SMYD3: variants seen among roughly 807,000 people sequenced by gnomAD.
The protein encoded by SMYD3 is SET and MYND domain containing 3.
A neutral mutation model predicts 57.7 loss-of-function variants in SMYD3; 36 were observed. That is an observed-to-expected ratio of 0.62 (90% confidence interval 0.48 to 0.82). The LOEUF is 0.82. Among genes scored for constraint, SMYD3 ranks in the 40% least tolerant of loss-of-function variants. SMYD3 has a pLI of 0.00. For missense variants in SMYD3, 515 were observed against 538.8 expected, an observed-to-expected ratio of 0.96 and a Z score of 0.44; for synonymous variants, 211 against 195.0, an observed-to-expected ratio of 1.08 and a Z score of -0.68.
At chr1:246,320,340 A>G (rs1272600550) in intron 5 of SMYD3, among the ~76,000 whole-genome samples, 1 of 152,190 alleles carries the variant, frequency 6.6e-6, no homozygotes, top group African/African-American at 2.4e-5. Context: ...GAGGTCACAT[A>G]CGTGCCCTAA....
At chr1:246,496,072 C>CAGTT (rs1213742672) in intron 1 of SMYD3, among the ~76,000 whole-genome samples, 6 of 151,896 alleles carry the variant, frequency 4.0e-5, no homozygotes, top group African/African-American at 1.5e-4. Context: ...GAGTCTCACT[C>CAGTT]TGTCGCCAGG....
At chr1:245,901,179 T>C (rs2054158033) in intron 8 of SMYD3, among the ~76,000 whole-genome samples, 2 of 152,176 alleles carry the variant, frequency 1.3e-5, no homozygotes, top group South Asian at 4.1e-4. Flanking sequence ...GGTTTAGTCA[T>C]GACATCTGGG....
chr1:246,179,296 G>A (rs555636077), intron 5 of SMYD3: 7 of 152,648 alleles, frequency 4.6e-5, no homozygotes, highest in South Asian at 2.1e-4. Context: ...CCAAGAAAGC[G>A]TCTTTCCCTC....
chr1:246,134,269 C>T (rs183526719), intron 5 of SMYD3, among the ~76,000 whole-genome samples: 1 of 152,152 alleles, frequency 6.6e-6, no homozygotes, highest in East Asian at 1.9e-4. Flanking sequence ...ATAAATAGTA[C>T]TCCCAAAGTC....
At chr1:246,506,597 T>G (rs1039413057) in intron 1 of SMYD3, among the ~76,000 whole-genome samples, 1 of 152,176 alleles carries the variant, frequency 6.6e-6, no homozygotes, top group Non-Finnish European at 1.5e-5. Flanking sequence ...GCAAGCCTGA[T>G]GCTTTACCGG....
At chr1:246,068,180 A>G (rs556419427) in intron 5 of SMYD3, among the ~76,000 whole-genome samples, 4 of 152,204 alleles carry the variant, frequency 2.6e-5, no homozygotes, top group Admixed American at 6.5e-5. Context: ...GATCAGAAAG[A>G]AGTGTTTAGT....
intron 11 of SMYD3, among the ~76,000 whole-genome samples, chr1:245,759,618 C>T (rs561251046): frequency 7.3e-4 from 111 of 152,150 alleles, no homozygotes; most frequent in Middle Eastern, 6.8e-3. Context: ...TCAGGGCAGC[C>T]GATGCAGGAA....
intron 8 of SMYD3, among the ~76,000 whole-genome samples, chr1:245,896,236 G>C (rs2053771642): frequency 6.6e-6 from 1 of 152,040 alleles, no homozygotes; most frequent in African/African-American, 2.4e-5. Context: ...TGCCTCCAAA[G>C]ACTTAGATTT....
At chr1:245,835,977 C>G (rs1321975758) in intron 10 of SMYD3, among the ~76,000 whole-genome samples, 1 of 152,140 alleles carries the variant, frequency 6.6e-6, no homozygotes, top group Non-Finnish European at 1.5e-5. Context: ...TCTCTGCTCT[C>G]AGAGAGGGTC....
intron 1 of SMYD3, among the ~76,000 whole-genome samples, chr1:246,446,120 G>A (rs2067547724): frequency 6.6e-6 from 1 of 152,042 alleles, no homozygotes; most frequent in South Asian, 2.1e-4. Flanking sequence ...CATATCAATT[G>A]CCTCTAAAAT....
chr1:246,110,559 C>A (rs917225586), intron 5 of SMYD3, among the ~76,000 whole-genome samples: 2 of 152,242 alleles, frequency 1.3e-5, no homozygotes, highest in Admixed American at 1.3e-4. Context: ...CTCTTTCCCT[C>A]TGAGCGCAAG....
chr1:246,420,317 G>A (rs2067124460), intron 1 of SMYD3, among the ~76,000 whole-genome samples: 1 of 152,144 alleles, frequency 6.6e-6, no homozygotes, highest in Non-Finnish European at 1.5e-5. Context: ...AAAGAAAACT[G>A]ACTCCATCAT....
intron 5 of SMYD3, among the ~76,000 whole-genome samples, chr1:246,048,697 C>T (rs752784719): frequency 4.6e-5 from 7 of 151,866 alleles, no homozygotes; most frequent in African/African-American, 7.3e-5. Flanking sequence ...TCTCTGGACC[C>T]GTTTCCTCAT....
intron 1 of SMYD3, among the ~76,000 whole-genome samples, chr1:246,369,626 A>C (rs2066162380): frequency 6.6e-6 from 1 of 152,140 alleles, no homozygotes; most frequent in Admixed American, 6.5e-5. Context: ...TCCCAGGCTC[A>C]GGTGATTCTC....
chr1:245,822,532 A>C (rs1429245887), intron 10 of SMYD3, among the ~76,000 whole-genome samples: 2 of 149,896 alleles, frequency 1.3e-5, no homozygotes, highest in African/African-American at 2.5e-5. Context: ...ATGTACCCTA[A>C]AACTTAAAGT....
At chr1:246,107,156 A>G (rs4654198) in intron 5 of SMYD3, among the ~76,000 whole-genome samples, 119,638 of 142,186 alleles carry the variant, frequency 0.84, 50,680 homozygotes, top group Admixed American at 0.89. Flanking sequence ...GCGTGGTGGC[A>G]GGCGCCTGTA....
chr1:246,434,018 G>C (rs933737826), intron 1 of SMYD3, among the ~76,000 whole-genome samples: 1 of 152,164 alleles, frequency 6.6e-6, no homozygotes, highest in Non-Finnish European at 1.5e-5. Context: ...ATAAGCAATG[G>C]GGAAAGGACC....
rs111536861 is a variant in SMYD3, at chr1:246,148,114, A to C, written c.531+179087T>G. 1.6e-3 allele frequency among the ~76,000 whole-genome samples: 239 copies of C among 152,190 alleles called. 1 individual carries two copies. Among genetic ancestry groups the C allele is most frequent in the African/African-American group, 5.3e-3 (221 of 41,542 alleles). On this transcript the variant is annotated intron_variant, in intron 5 of 11. Transcript: ENST00000490107. ...GAGGGCCTGAAGGCTGGGGGCCAGG[A>C]TGCCAGTCCGGGACCGGAGTGGGGA...
At chr1:245,929,849 A>G in intron 6 of SMYD3, 21 bp downstream of exon 6, 1 of 1,591,608 alleles carries the variant, frequency 6.3e-7, no homozygotes, top group Non-Finnish European at 8.6e-7. Context: ...CTTCCAGTAC[A>G]TGAAGTACCA....
Sources: allele counts gnomAD v4.1 joint callset (sites outside exome capture counted in the v4.1 genomes callset), GRCh38; gene constraint gnomAD v4.1.1; transcripts MANE v1.5; gene names NCBI Gene and HGNC (gene_info 2026-07-23, HGNC 2026-07-21).